The following DHRS2 variants were observed in gnomAD, a reference collection of about 807,000 sequenced individuals.
DHRS2 encodes dehydrogenase/reductase 2.
Under a neutral mutation model 26.3 loss-of-function variants are expected in DHRS2, and 29 were observed. The observed-to-expected ratio is 1.10, with a 90% confidence interval of 0.82 to 1.50. The LOEUF (loss-of-function observed/expected upper bound fraction) is 1.50, where lower values mean the gene tolerates loss of function less well. Ranked by LOEUF, DHRS2 falls within the 40% of genes most tolerant of loss-of-function variation. The pLI, the probability that DHRS2 is intolerant of heterozygous loss-of-function variation, is 0.00. For synonymous variants in DHRS2, 164 were observed against 151.3 expected (o/e 1.08, Z -0.62); for missense variants, 439 against 367.1 (o/e 1.20, Z -1.60).
At chr14:23,642,239 T>C in intron 4 of DHRS2, 1 of 803,772 alleles carries the variant, frequency 1.2e-6, no homozygotes. Flanking sequence ...ACAGCCTGCA[T>C]TTTTATGACC....
upstream of DHRS2, among the ~76,000 whole-genome samples, chr14:23,632,843 T>G (rs2138355712): frequency 6.6e-6 from 1 of 152,332 alleles, no homozygotes; most frequent in Non-Finnish European, 1.5e-5. Flanking sequence ...GGCCCAGAGC[T>G]GCCAGAGCCT....
chr14:23,632,644 C>T (rs1448643960), upstream of DHRS2, among the ~76,000 whole-genome samples: 2 of 152,148 alleles, frequency 1.3e-5, no homozygotes, highest in Non-Finnish European at 2.9e-5. Flanking sequence ...ACCCCTAACT[C>T]GAAGGAACTG....
upstream of DHRS2, among the ~76,000 whole-genome samples, chr14:23,633,961 T>G (rs2138357779): frequency 6.6e-6 from 1 of 151,720 alleles, no homozygotes; most frequent in South Asian, 2.1e-4. Context: ...TACACATACA[T>G]AGGTGATATA....
upstream of DHRS2, among the ~76,000 whole-genome samples, chr14:23,634,563 A>G (rs567356840): frequency 6.6e-6 from 1 of 152,112 alleles, no homozygotes; most frequent in East Asian, 1.9e-4. Flanking sequence ...TTTGTGTCTG[A>G]CTTCTTTTAC....
intron 3 of DHRS2, 120 bp from the exon 4 acceptor site, chr14:23,639,674 T>G: frequency 1.7e-6 from 2 of 1,143,640 alleles, no homozygotes; most frequent in Non-Finnish European, 2.4e-6. Context: ...TTGGGACACC[T>G]AGGTCATTTT....
At chr14:23,632,344 G>A (rs981289740), upstream of DHRS2, among the ~76,000 whole-genome samples, 1 of 152,194 alleles carries the variant, frequency 6.6e-6, no homozygotes, top group Non-Finnish European at 1.5e-5. Context: ...CGTAATGCAA[G>A]GCTGTAAATA....
In DHRS2 at chr14:23,639,336, C is replaced by T. The variant is rs549350739; in HGVS notation, c.298C>T (p.Arg100Trp). Reference protein sequence around the residue: ...IVCHVGKAEDREQLVAKALEH... With the variant: ...IVCHVGKAEDWEQLVAKALEH... ...GTGCCACGTGGGGAAGGCTGAGGAC[C>T]GGGAGCAGCTGGTGGCCAAGGTGAG... The change falls in exon 3 of 9, where the codon CGG becomes TGG. Residue 100 changes from arginine to tryptophan, a missense_variant. Physicochemically the swap from Arg to Trp is moderately radical, Grantham distance 101. Coordinates refer to ENST00000250383, the MANE Select transcript of DHRS2 (RefSeq NM_005794.4). 78 of 1,572,834 alleles carry T rather than the reference C, an allele frequency of 5.0e-5. No individual in the cohort carries two copies. The highest frequency in any genetic ancestry group is 4.1e-4 in the South Asian group (34 of 83,650).
At chr14:23,630,282 C>G (rs1594231117) in intron 1 of DHRS2, 1 of 152,300 alleles carries the variant, frequency 6.6e-6, no homozygotes. Flanking sequence ...CATGATGTGG[C>G]TCAGGCTGGG....
At chr14:23,644,710 T>C (rs2138395887) in intron 7 of DHRS2, 117 bp from the exon 8 acceptor site, 5 of 1,482,670 alleles carry the variant, frequency 3.4e-6, no homozygotes, top group Non-Finnish European at 4.7e-6. Flanking sequence ...CCTGAAAAGA[T>C]GCTCCTTCTT....
In DHRS2 at chr14:23,636,739, A is replaced by T. The variant is rs781604433; in HGVS notation, c.-72A>T. 1.3e-5 allele frequency: 2 copies of T among 152,172 alleles called. No homozygotes were observed. Among genetic ancestry groups the T allele is most frequent in the Non-Finnish European group, 2.9e-5 (2 of 68,044 alleles). The allele number at this position is 152,172 out of a possible 1,614,324, so 9.4% of individuals were successfully genotyped here. ...ACTATTGCCAAGTGGTGAGACCATC[A>T]CCAAGCGGTGAGACTATCACCTATC... On this transcript the variant is annotated 5_prime_UTR_variant, in exon 1 of 9. Transcript: ENST00000250383.
intron 4 of DHRS2, chr14:23,641,445 C>A: frequency 2.4e-6 from 1 of 410,622 alleles, no homozygotes; most frequent in Non-Finnish European, 4.3e-6. Context: ...CTGAGCTACT[C>A]TCTCTTACTT....
At chr14:23,641,840 C>G in intron 4 of DHRS2, 1 of 1,252,862 alleles carries the variant, frequency 8.0e-7, no homozygotes, top group Non-Finnish European at 1.0e-6. Flanking sequence ...GTGGAAAAAA[C>G]AGTGAACAGT....
At chr14:23,643,466 G>A (rs1394745365) in intron 5 of DHRS2, 5 of 516,802 alleles carry the variant, frequency 9.7e-6, no homozygotes, top group Non-Finnish European at 1.8e-5. Flanking sequence ...GCAGGTTTGG[G>A]ACAAGGCTAT....
At chr14:23,633,808 C>A (rs1890185322), upstream of DHRS2, among the ~76,000 whole-genome samples, 1 of 152,120 alleles carries the variant, frequency 6.6e-6, no homozygotes, top group African/African-American at 2.4e-5. Context: ...GAGATGCTGG[C>A]AAATTTTCTT....
At chr14:23,642,557 T>A (rs927636623) in intron 4 of DHRS2, 2 of 152,560 alleles carry the variant, frequency 1.3e-5, no homozygotes, top group African/African-American at 4.8e-5. Context: ...AGGCCTCTGC[T>A]TACAGTGTGT....
In DHRS2 at chr14:23,644,449, G is replaced by T; in HGVS notation, c.581G>T (p.Gly194Val). ...AATGTCAGCAAGACAGCGCTGCTGGGTCTCACTAGAACACTGGCATTGGAG... is the reference window on the plus strand; with the variant it reads ...AATGTCAGCAAGACAGCGCTGCTGGTTCTCACTAGAACACTGGCATTGGAG... ...VYNVSKTALL[G>V]LTRTLALELA... Residue 194 changes from glycine to valine, a missense_variant, in exon 7 of 9, where the codon GGT becomes GTT. Coordinates refer to ENST00000250383, the MANE Select transcript of DHRS2 (RefSeq NM_005794.4). The T allele has an allele frequency of 1.2e-6, 2 of 1,614,174 alleles. No homozygotes were observed. Among genetic ancestry groups the T allele is most frequent in the South Asian group, 1.1e-5 (1 of 91,082 alleles).
chr14:23,641,381 G>A (rs1302933758), intron 4 of DHRS2: 14 of 257,278 alleles, frequency 5.4e-5, no homozygotes, highest in Admixed American at 1.5e-4. Context: ...CGACTCCAGC[G>A]TGCGCCCTCT....
At chr14:23,644,580 C>T (rs1259638475) in intron 7 of DHRS2, 37 bp downstream of exon 7, 1 of 1,614,052 alleles carries the variant, frequency 6.2e-7, no homozygotes, top group Admixed American at 1.7e-5. Flanking sequence ...CCCAGTCTGG[C>T]TCAGTGGGAA....
In DHRS2 at chr14:23,645,426, G is replaced by C. The variant is rs1455507169; in HGVS notation, c.*173G>C. The C allele has an allele frequency of 1.6e-5, 22 of 1,347,292 alleles. No individual in the cohort carries two copies. The South Asian group carries it at 2.8e-4, about 17-fold the overall frequency. The allele number at this position is 1,347,292 out of a possible 1,614,324, so 83.5% of individuals were successfully genotyped here. On this transcript the variant is annotated 3_prime_UTR_variant, in exon 9 of 9. Coordinates refer to ENST00000250383, the MANE Select transcript of DHRS2 (RefSeq NM_005794.4). ...AAAAACGCTTCGGCATTCTCCTTAGGACTTATCTGCTTGTAGATTTGGCTG... is the reference window on the plus strand; with the variant it reads ...AAAAACGCTTCGGCATTCTCCTTAGCACTTATCTGCTTGTAGATTTGGCTG...
Sources: allele counts gnomAD v4.1 joint callset (sites outside exome capture counted in the v4.1 genomes callset), GRCh38; gene constraint gnomAD v4.1.1; transcripts MANE v1.5; gene names NCBI Gene and HGNC (gene_info 2026-07-23, HGNC 2026-07-21).